Variants in AGO3 observed in about 807,000 individuals in gnomAD.
AGO3 encodes the protein argonaute RISC catalytic component 3.
A neutral mutation model predicts 105.5 loss-of-function variants in AGO3; 16 were observed. The observed-to-expected ratio is 0.15, with a 90% CI of 0.10 to 0.23. The LOEUF is 0.23. Among genes scored for constraint, AGO3 ranks in the 10% least tolerant of loss-of-function variants. The probability of loss-of-function intolerance (pLI) is 1.00; values close to 1 mark genes in which losing one functional copy is unlikely to be tolerated. For synonymous variants in AGO3, 340 were observed against 367.3 expected (o/e 0.93, Z 0.85); for missense variants, 534 against 1,088.0 (o/e 0.49, Z 7.16).
intron 11 of AGO3, among the ~76,000 whole-genome samples, chr1:36,022,080 T>TA (rs1483955566): frequency 6.7e-6 from 1 of 150,270 alleles, no homozygotes; most frequent in South Asian, 2.1e-4. Flanking sequence ...TTTTTTTTTT[T>TA]TTTGACATAG....
At chr1:36,009,723 G>A in intron 9 of AGO3, 129 bp downstream of exon 9, 1 of 973,078 alleles carries the variant, frequency 1.0e-6, no homozygotes, top group Non-Finnish European at 1.5e-6. Flanking sequence ...AAGCAATCAT[G>A]GAAGTAATCT....
chr1:36,001,447 G>T (rs1333901968), intron 5 of AGO3, among the ~76,000 whole-genome samples: 1 of 152,106 alleles, frequency 6.6e-6, no homozygotes, highest in Non-Finnish European at 1.5e-5. Context: ...GCTATGAGAA[G>T]GAATGATATA....
At chr1:35,942,983 G>C (rs919098964) in intron 1 of AGO3, among the ~76,000 whole-genome samples, 2 of 151,940 alleles carry the variant, frequency 1.3e-5, no homozygotes, top group African/African-American at 4.8e-5. Context: ...AAATTATATA[G>C]TGTTTGTCAT....
chr1:36,037,147 T>C (rs190828888), intron 14 of AGO3, among the ~76,000 whole-genome samples: 181 of 152,358 alleles, frequency 1.2e-3, no homozygotes, highest in Non-Finnish European at 1.7e-3. Context: ...TGAAAATCAC[T>C]TGATTTTAAC....
intron 1 of AGO3, among the ~76,000 whole-genome samples, chr1:35,941,546 G>C (rs1646254806): frequency 6.6e-6 from 1 of 152,190 alleles, no homozygotes; most frequent in South Asian, 2.1e-4. Context: ...TAATGGAACA[G>C]AACAGAGAGT....
Position 36,060,565 on chromosome 1 carries a change from TCTTC to T in AGO3, c.*4823_*4826del. Reference sequence around the variant, plus strand: ...TCGATACAGCTAGAATATGTTGCAGTCTTCCTATTTCAAACTTGATTTTAATATT... The same window carrying T: ...TCGATACAGCTAGAATATGTTGCAGTCTATTTCAAACTTGATTTTAATATT... On this transcript the variant is annotated 3_prime_UTR_variant, in exon 19 of 19. Transcript: ENST00000373191. 6.6e-6 allele frequency: 1 copy of T among 152,360 alleles called. No homozygotes were observed. The highest frequency in any genetic ancestry group is 2.1e-4 in the South Asian group (1 of 4,828). 9.4% of individuals were successfully genotyped at this position (152,360 alleles called of 1,614,324 possible). A position where few individuals can be genotyped will look rare whatever the true frequency, so the allele number is the denominator to read the frequency against.
chr1:36,009,033 C>G lies in AGO3; in HGVS notation c.1018C>G (p.Leu340Val). ...CGGGCAGGAACAGAAACACACCTAC[C>G]TGCCACTAGAAGTAATGCCTTCACA... is the stretch of plus-strand genomic sequence containing the variant. Reference protein sequence around the residue: ...QVGQEQKHTYLPLEVCNIVAG... With the variant: ...QVGQEQKHTYVPLEVCNIVAG... The change falls in exon 8 of 19, where the codon CTG (leucine) becomes GTG (valine). Residue 340 changes from leucine (L) to valine (V), a missense_variant. Around this residue, in one of 2 missense-constraint regions of AGO3, gnomAD observed 373 missense variants for 854.0 expected, o/e 0.44. Coordinates refer to ENST00000373191, the MANE Select transcript of AGO3 (RefSeq NM_024852.4). 2 of 1,572,024 alleles carry G rather than the reference C, an allele frequency of 1.3e-6. No individual in the cohort carries two copies. The highest frequency in any genetic ancestry group is 1.7e-6 in the Non-Finnish European group (2 of 1,161,442).
intron 13 of AGO3, among the ~76,000 whole-genome samples, chr1:36,034,695 G>A (rs923253848): frequency 2.0e-5 from 3 of 152,152 alleles, no homozygotes; most frequent in African/African-American, 7.2e-5. Flanking sequence ...AGTATCCAGT[G>A]CTTTATTTCT....
At chr1:35,936,251 T>C (rs550327717) in intron 1 of AGO3, among the ~76,000 whole-genome samples, 3 of 151,906 alleles carry the variant, frequency 2.0e-5, no homozygotes, top group African/African-American at 7.2e-5. Flanking sequence ...GGCTAGCCAC[T>C]GCTTAAAAAA....
intron 6 of AGO3, among the ~76,000 whole-genome samples, chr1:36,007,224 A>T (rs992182521): frequency 2.0e-5 from 3 of 152,298 alleles, no homozygotes; most frequent in Middle Eastern, 6.8e-3. Flanking sequence ...AAGAGTAATA[A>T]CCATAAGTAT....
intron 1 of AGO3, among the ~76,000 whole-genome samples, chr1:35,936,308 T>C (rs1488930211): frequency 6.6e-6 from 1 of 152,024 alleles, no homozygotes; most frequent in Admixed American, 6.5e-5. Context: ...ACACAACTGA[T>C]GCTTTCTCTT....
intron 5 of AGO3, among the ~76,000 whole-genome samples, chr1:35,974,946 G>A (rs546178708): frequency 1.3e-4 from 20 of 152,150 alleles, no homozygotes; most frequent in Admixed American, 6.5e-4. Context: ...CCAGATTAGG[G>A]TATAGTTTCC....
chr1:35,988,723 A>T (rs1337975708), intron 5 of AGO3, among the ~76,000 whole-genome samples: 26 of 152,038 alleles, frequency 1.7e-4, no homozygotes, highest in Admixed American at 1.7e-3. Flanking sequence ...TGTTGTGAAT[A>T]ATGCTGCAGT....
intron 16 of AGO3, among the ~76,000 whole-genome samples, chr1:36,040,697 C>T (rs565670682): frequency 4.6e-4 from 70 of 152,268 alleles, no homozygotes; most frequent in African/African-American, 1.6e-3. Context: ...AATTATTCTT[C>T]TATTCATATT....
chr1:35,982,989 G>A (rs939742252), intron 5 of AGO3: 1 of 193,976 alleles, frequency 5.2e-6, no homozygotes, highest in African/African-American at 2.3e-5. Context: ...GGGCTAGCTA[G>A]GCAAGTCTGA....
At chr1:35,943,482 G>T (rs1384586739) in intron 1 of AGO3, among the ~76,000 whole-genome samples, 1 of 151,284 alleles carries the variant, frequency 6.6e-6, no homozygotes, top group East Asian at 1.9e-4. Flanking sequence ...TTGAATTTTA[G>T]TAGAGACAGG....
chr1:36,050,590 G>A (rs1477326240), intron 17 of AGO3, among the ~76,000 whole-genome samples: 3 of 150,824 alleles, frequency 2.0e-5, no homozygotes, highest in Non-Finnish European at 4.4e-5. Context: ...TCAGGAGTTC[G>A]TGACCAGCCT....
intron 5 of AGO3, among the ~76,000 whole-genome samples, chr1:35,981,089 A>G (rs1647044796): frequency 6.6e-6 from 1 of 152,128 alleles, no homozygotes; most frequent in African/African-American, 2.4e-5. Context: ...TTCTCCTCTG[A>G]ACTTTTTCTT....
chr1:36,044,709 G>A (rs1191054245), intron 17 of AGO3, among the ~76,000 whole-genome samples: 4 of 152,034 alleles, frequency 2.6e-5, no homozygotes, highest in Non-Finnish European at 5.9e-5. Flanking sequence ...CCCAAAGTGC[G>A]GGGATTACAG....
Sources: gnomAD v4.1 joint callset for allele counts (sites outside exome capture counted in the v4.1 genomes callset) on GRCh38, gnomAD v4.1.1 for gene constraint, gnomAD v4.1.1 regional missense constraint, MANE v1.5 for transcripts, NCBI Gene and HGNC (gene_info 2026-07-23, HGNC 2026-07-21) for gene names.